The following PCNX1 variants were observed in gnomAD, a reference collection of about 807,000 sequenced individuals.
PCNX1 encodes the protein pecanex 1.
A neutral mutation model predicts 242.2 loss-of-function variants in PCNX1; 78 were observed. That is an observed-to-expected ratio of 0.32 (90% CI 0.27 to 0.39). The LOEUF is 0.39. Ranked by LOEUF, PCNX1 falls within the 10% of genes least tolerant of loss-of-function variation. PCNX1 has a pLI of 1.00. For synonymous variants in PCNX1, 1,024 were observed against 1,032.9 expected, an observed-to-expected ratio of 0.99 and a Z score of 0.17; for missense variants, 2,581 against 2,856.5, an observed-to-expected ratio of 0.90 and a Z score of 2.20.
At chr14:70,933,547 A>G (rs1180990126) in intron 1 of PCNX1, among the ~76,000 whole-genome samples, 4 of 152,214 alleles carry the variant, frequency 2.6e-5, no homozygotes, top group Admixed American at 6.5e-5. Flanking sequence ...TTATATATCT[A>G]TGGCTTCTTT....
chr14:71,005,108 G>A (rs2059615718), intron 8 of PCNX1, among the ~76,000 whole-genome samples: 1 of 152,060 alleles, frequency 6.6e-6, no homozygotes, highest in Non-Finnish European at 1.5e-5. Context: ...TTTTGTTGTT[G>A]GTACTTGGAA....
chr14:71,108,795 A>G lies in PCNX1; in HGVS notation c.6493A>G (p.Ile2165Val). 6.2e-7 allele frequency: 1 copy of G among 1,614,234 alleles called. No homozygotes were observed. The highest frequency in any genetic ancestry group is 8.5e-7 in the Non-Finnish European group (1 of 1,180,042). The stretch of plus-strand genomic sequence containing the variant: ...ATCGCTTCGAAACTTGCCATCATCC[A>G]TCCAATCCCGACTGTCGATGGTGAA... ...QISLRNLPSS[I>V]QSRLSMVNQM... The change falls in exon 34 of 36, where the codon ATC becomes GTC. Residue 2165 changes from isoleucine (I) to valine (V), a missense_variant. Transcript: ENST00000304743.
At chr14:71,103,761 A>G in intron 32 of PCNX1, 92 bp downstream of exon 32, 1 of 1,168,934 alleles carries the variant, frequency 8.6e-7, no homozygotes, top group Middle Eastern at 2.1e-4. Context: ...TGTAGAAAAA[A>G]TTACAGGTGC....
rs756493620 is a variant in PCNX1, at chr14:70,978,361, C to A, written c.2024C>A (p.Thr675Lys). Residue 675 changes from threonine to lysine, a missense_variant, in exon 6 of 36, where the codon ACA becomes AAA. Transcript: ENST00000304743. ...VPEGTSKKRATRRTSSTNSAK... is the reference protein window; with the variant it reads ...VPEGTSKKRAKRRTSSTNSAK... ...GAAGGAACCAGCAAAAAGCGTGCAA[C>A]ACGACGGACTTCTAGCACAAATAGT... 6.2e-7 allele frequency: 1 copy of A among 1,614,230 alleles called. No individual in the cohort carries two copies. Among genetic ancestry groups the A allele is most frequent in the Non-Finnish European group, 8.5e-7 (1 of 1,180,034 alleles).
At chr14:71,063,075 G>A (rs532949648) in intron 26 of PCNX1, among the ~76,000 whole-genome samples, 7 of 152,238 alleles carry the variant, frequency 4.6e-5, no homozygotes, top group African/African-American at 1.4e-4. Flanking sequence ...TTTGCACAAC[G>A]AAATTTCTTA....
Position 70,977,492 on chromosome 14 carries a change from C to T in PCNX1, c.1155C>T (p.Tyr385=). ...STRSSGSTES[Y]CSGTDRDTNS... ...GGAGTAGTGGGTCAACAGAAAGCTA[C>T]TGCAGTGGAACGGACCGGGACACTA... is the stretch of plus-strand genomic sequence containing the variant. The change falls in exon 6 of 36, where the codon TAC becomes TAT. Residue 385 remains tyrosine, a synonymous_variant. Transcript: ENST00000304743. 6.2e-7 allele frequency: 1 copy of T among 1,614,118 alleles called. No individual in the cohort carries two copies. The highest frequency in any genetic ancestry group is 2.2e-5 in the East Asian group (1 of 44,874).
chr14:70,936,400 G>A (rs753069811), intron 1 of PCNX1, among the ~76,000 whole-genome samples: 6 of 151,290 alleles, frequency 4.0e-5, no homozygotes, highest in African/African-American at 1.2e-4. Flanking sequence ...CTGTCCTTGC[G>A]ACAGTTTGCT....
At chr14:70,920,158 A>T (rs1335805915) in intron 1 of PCNX1, among the ~76,000 whole-genome samples, 2 of 152,220 alleles carry the variant, frequency 1.3e-5, no homozygotes, top group Non-Finnish European at 2.9e-5. Flanking sequence ...TTAGATTTAC[A>T]GACAAGTTGC....
intron 7 of PCNX1, among the ~76,000 whole-genome samples, chr14:70,990,364 ACTAG>A: frequency 6.6e-6 from 1 of 151,954 alleles, no homozygotes; most frequent in Non-Finnish European, 1.5e-5. Flanking sequence ...GAGTTTTGAG[ACTAG>A]CCAACATGGT....
intron 1 of PCNX1, among the ~76,000 whole-genome samples, chr14:70,911,531 T>A (rs926855951): frequency 1.3e-5 from 2 of 152,218 alleles, no homozygotes; most frequent in African/African-American, 4.8e-5. Context: ...TTTATCTAGT[T>A]ACAGTGATTT....
intron 13 of PCNX1, among the ~76,000 whole-genome samples, chr14:71,024,710 A>C (rs1209350780): frequency 2.0e-5 from 3 of 152,212 alleles, no homozygotes; most frequent in African/African-American, 7.2e-5. Flanking sequence ...CTGCAGTATT[A>C]ACATTTTGGC....
chr14:71,056,788 G>T (rs1050286207), intron 25 of PCNX1, among the ~76,000 whole-genome samples: 4 of 151,418 alleles, frequency 2.6e-5, no homozygotes, highest in Non-Finnish European at 5.9e-5. Context: ...AAGCAATTCT[G>T]CCTTCTCAGC....
intron 28 of PCNX1, among the ~76,000 whole-genome samples, chr14:71,084,422 C>A (rs573748730): frequency 2.0e-5 from 3 of 152,218 alleles, no homozygotes; most frequent in Non-Finnish European, 4.4e-5. Context: ...CAGGCAGCAA[C>A]ATTTAAGTCT....
intron 19 of PCNX1, among the ~76,000 whole-genome samples, chr14:71,043,653 C>T (rs979029005): frequency 6.6e-5 from 10 of 152,134 alleles, no homozygotes; most frequent in Middle Eastern, 3.4e-3. Flanking sequence ...TTGAATTCTT[C>T]GGTTCCAGAA....
intron 5 of PCNX1, 145 bp downstream of exon 5, chr14:70,969,255 A>G: frequency 1.6e-6 from 1 of 619,150 alleles, no homozygotes; most frequent in South Asian, 1.9e-5. Context: ...TTATGGTGAT[A>G]GTAGTAATAC....
rs780010716 is a variant in PCNX1 at position 70,976,990 on chromosome 14, T to A, written c.653T>A (p.Phe218Tyr). The A allele has an allele frequency of 5.0e-5, 80 of 1,613,972 alleles. 1 individual carries two copies. Among genetic ancestry groups the A allele is most frequent in the Non-Finnish European group, 5.8e-5 (68 of 1,179,950 alleles). The change falls in exon 6 of 36, where the codon TTC (phenylalanine) becomes TAC (tyrosine). Residue 218 changes from phenylalanine to tyrosine, a missense_variant. This residue lies in a region of PCNX1 where 1,204 missense variants were observed against 1,216.7 expected (regional missense o/e 0.99). Transcript: ENST00000304743. ...TTTCGTCTTGTCTCCAATGACTCCTTCATCTCTATTCAGCCTTCCTTATCC... is the reference window on the plus strand; with the variant it reads ...TTTCGTCTTGTCTCCAATGACTCCTACATCTCTATTCAGCCTTCCTTATCC... ...KLFRLVSNDS[F>Y]ISIQPSLSSC... is the part of the protein sequence containing the mutation.
rs767655265 is a variant in PCNX1 at position 70,976,927 on chromosome 14, A to C, written c.605-15A>C. On this transcript the variant is annotated splice_polypyrimidine_tract_variant and intron_variant, in intron 5 of 35. Coordinates refer to ENST00000304743, the MANE Select transcript of PCNX1 (RefSeq NM_014982.3). ...TACATTTATTTTAACATTTCAAAAT[A>C]TGTGTTTGAAACAGATTTGGCAGCT... 3.1e-6 allele frequency: 5 copies of C among 1,597,520 alleles called. No homozygotes were observed. Among genetic ancestry groups the C allele is most frequent in the Middle Eastern group, 3.3e-4 (2 of 5,988 alleles).
Position 71,011,473 on chromosome 14 carries a change from AT to A in PCNX1, c.2721-13del. ...CTTTCTGCTTGACAAACTGTTCCCT[AT>A]TTTTTATTTTATTTTAGTGACACAG... is the stretch of plus-strand genomic sequence containing the variant. On this transcript the variant is annotated intron_variant, in intron 9 of 35. Transcript: ENST00000304743. The A allele has an allele frequency of 1.4e-6, 2 of 1,426,172 alleles. No individual in the cohort carries two copies. The highest frequency in any genetic ancestry group is 2.0e-6 in the Non-Finnish European group (2 of 1,013,650). The allele number at this position is 1,426,172 out of a possible 1,614,324, so 88.3% of individuals were successfully genotyped here.
intron 1 of PCNX1, among the ~76,000 whole-genome samples, chr14:70,943,107 C>G (rs571353215): frequency 6.6e-6 from 1 of 152,294 alleles, no homozygotes; most frequent in African/African-American, 2.4e-5. Flanking sequence ...ATAAATTACC[C>G]AGTCTCGGGT....
Sources: allele counts gnomAD v4.1 joint callset (sites outside exome capture counted in the v4.1 genomes callset), GRCh38; gene constraint gnomAD v4.1.1; regional missense constraint gnomAD v4.1.1; transcripts MANE v1.5; gene names NCBI Gene and HGNC (gene_info 2026-07-23, HGNC 2026-07-21).